The following NDRG4 variants were observed in gnomAD, a reference collection of about 807,000 sequenced individuals.
NDRG4 encodes the protein protein NDRG4.
In NDRG4, 38 loss-of-function variants were observed where a neutral mutation model predicts 55.8. That is an observed-to-expected ratio of 0.68 (90% CI 0.53 to 0.89). The LOEUF is 0.89. Ranked by LOEUF, NDRG4 falls within the 40% of genes least tolerant of loss-of-function variation. The pLI, the probability that NDRG4 is intolerant of heterozygous loss-of-function variation, is 0.00. For missense variants in NDRG4, 455 were observed against 468.6 expected (o/e 0.97, Z 0.27); for synonymous variants, 190 against 182.7 (o/e 1.04, Z -0.32).
rs1325759992 is a variant in NDRG4, at chr16:58,504,271, AG to A, written c.248+1del. On this transcript the variant is annotated frameshift_variant and splice_region_variant, in exon 3 of 15. Transcript: ENST00000570248. LOFTEE classifies it high-confidence loss of function. ...CAGGTGGGGGCGTCGCAGTTTCCTC[AG>A]GGGTAGGTACCCTGAGCCCCCTCTG... ...GQQVGASQFP[Q>X]GYQFPSMEQL... 6.2e-7 allele frequency: 1 copy of A among 1,613,962 alleles called. No homozygotes were observed. Among genetic ancestry groups the A allele is most frequent in the Non-Finnish European group, 8.5e-7 (1 of 1,180,000 alleles).
At chr16:58,475,578 A>G in intron 1 of NDRG4, 1 of 455,144 alleles carries the variant, frequency 2.2e-6, no homozygotes. Flanking sequence ...AATAATAAGT[A>G]AGATAAAAGT....
At chr16:58,491,937 A>T (rs997237294) in intron 2 of NDRG4, among the ~76,000 whole-genome samples, 1 of 152,018 alleles carries the variant, frequency 6.6e-6, no homozygotes, top group African/African-American at 2.4e-5. Flanking sequence ...ATGCACCACC[A>T]TGCCTGTCTC....
At chr16:58,515,092 G>T (rs549917122), downstream of NDRG4, among the ~76,000 whole-genome samples, 4 of 152,316 alleles carry the variant, frequency 2.6e-5, no homozygotes, top group East Asian at 5.8e-4. Flanking sequence ...TGCTCTGAAC[G>T]AATACCACCA....
intron 1 of NDRG4, among the ~76,000 whole-genome samples, chr16:58,486,104 C>T (rs1468821482): frequency 6.6e-6 from 1 of 152,190 alleles, no homozygotes; most frequent in African/African-American, 2.4e-5. Context: ...TGTTTCAGTG[C>T]ACCTTCGCTA....
intron 8 of NDRG4, 56 bp downstream of exon 8, chr16:58,507,071 A>G: frequency 7.3e-7 from 1 of 1,364,616 alleles, no homozygotes; most frequent in Non-Finnish European, 1.0e-6. Context: ...GGGCCCTTGC[A>G]CACTGCCCCC....
At chr16:58,468,736 A>C (rs917263734) in intron 1 of NDRG4, among the ~76,000 whole-genome samples, 1 of 152,144 alleles carries the variant, frequency 6.6e-6, no homozygotes, top group African/African-American at 2.4e-5. Context: ...TATTGTGGGG[A>C]GCCAAGATGA....
intron 1 of NDRG4, 59 bp downstream of exon 1, chr16:58,500,328 C>T: frequency 6.6e-7 from 1 of 1,525,518 alleles, no homozygotes; most frequent in African/African-American, 1.4e-5. Flanking sequence ...TCCTTATGAC[C>T]CACCGCAGGG....
chr16:58,500,475 T>G, intron 1 of NDRG4: 1 of 411,586 alleles, frequency 2.4e-6, no homozygotes, highest in Non-Finnish European at 4.1e-6. Flanking sequence ...GGGCAGCTGC[T>G]AGTCAGAGCC....
chr16:58,500,075 C>A (rs1203069247), upstream of NDRG4: 36 of 1,481,500 alleles, frequency 2.4e-5, no homozygotes, highest in Non-Finnish European at 3.0e-5. Flanking sequence ...AGAAACCCTG[C>A]GGGGAGGAGG....
chr16:58,509,033 G>T, intron 11 of NDRG4, 24 bp downstream of exon 11: 1 of 1,614,120 alleles, frequency 6.2e-7, no homozygotes, highest in East Asian at 2.2e-5. Context: ...CCCCAGCCCT[G>T]GGCCAGCTTC....
intron 10 of NDRG4, 40 bp downstream of exon 10, chr16:58,508,039 G>A (rs2038278357): frequency 2.0e-6 from 3 of 1,502,316 alleles, no homozygotes; most frequent in Non-Finnish European, 2.7e-6. Flanking sequence ...GTGGGAGGTA[G>A]GGGTGAGGGG....
rs1268274026 is a variant in NDRG4, at chr16:58,506,571, C to A, written c.473C>A (p.Thr158Asn). 4 of 1,592,674 alleles carry A rather than the reference C, an allele frequency of 2.5e-6. No homozygotes were observed. The highest frequency in any genetic ancestry group is 3.4e-6 in the Non-Finnish European group (4 of 1,171,730). The change falls in exon 7 of 15, where the codon ACT becomes AAT. Residue 158 changes from threonine (T) to asparagine (N), a missense_variant. Coordinates refer to ENST00000570248, the MANE Select transcript of NDRG4 (RefSeq NM_001242835.2). ...TGCTCCCTGCAGCTCTCCGGCCTAACTAGCACTTTACCCGACACGGTGCTC... is the reference window on the plus strand; with the variant it reads ...TGCTCCCTGCAGCTCTCCGGCCTAAATAGCACTTTACCCGACACGGTGCTC... The part of the protein sequence containing the change: ...DWAATKLSGL[T>N]STLPDTVLSH...
At chr16:58,506,661 C>A (rs2038071341) in intron 7 of NDRG4, 47 bp downstream of exon 7, 4 of 1,541,222 alleles carry the variant, frequency 2.6e-6, no homozygotes, top group South Asian at 1.2e-5. Context: ...GGGATTTGCC[C>A]CTCCCAGCTG....
At chr16:58,505,077 C>T (rs1390153626) in intron 5 of NDRG4, among the ~76,000 whole-genome samples, 2 of 152,072 alleles carry the variant, frequency 1.3e-5, no homozygotes, top group South Asian at 2.1e-4. Flanking sequence ...ACATCATTGT[C>T]GGTGGCTCAC....
At chr16:58,467,853 T>C (rs1597028884) in intron 1 of NDRG4, among the ~76,000 whole-genome samples, 1 of 152,362 alleles carries the variant, frequency 6.6e-6, no homozygotes, top group East Asian at 1.9e-4. Context: ...GTCGTGGAGC[T>C]GGCGTCCTCA....
intron 2 of NDRG4, 77 bp from the exon 3 acceptor site, chr16:58,504,077 C>T: frequency 6.2e-7 from 1 of 1,601,814 alleles, no homozygotes; most frequent in Admixed American, 1.7e-5. Context: ...TCTGCCTTGC[C>T]TGCCCTCTGG....
intron 1 of NDRG4, among the ~76,000 whole-genome samples, chr16:58,467,577 C>T (rs2031932757): frequency 6.6e-6 from 1 of 152,170 alleles, no homozygotes; most frequent in Non-Finnish European, 1.5e-5. Flanking sequence ...CCTGTCTTGC[C>T]AGTGAAGTCA....
downstream of NDRG4, among the ~76,000 whole-genome samples, chr16:58,513,856 G>A (rs1435080813): frequency 6.6e-6 from 1 of 152,224 alleles, no homozygotes; most frequent in Non-Finnish European, 1.5e-5. Flanking sequence ...TACTCGGGAG[G>A]CTGAGGCAGG....
chr16:58,464,939 G>A lies in NDRG4; in HGVS notation c.-24+1142G>A. The A allele has an allele frequency of 8.5e-7, 1 of 1,175,852 alleles. No individual in the cohort carries two copies. The highest frequency in any genetic ancestry group is 6.5e-5 in the East Asian group (1 of 15,478). The allele number at this position is 1,175,852 out of a possible 1,614,324, so 72.8% of individuals were successfully genotyped here. On this transcript the variant is annotated intron_variant, in intron 1 of 15. Transcript: ENST00000258187. The surrounding 1 kb of genome is among the most constrained non-coding windows in gnomAD (Gnocchi z 4.8). ...CGCCAAGTGGCCTGGGAAGTGGGAA[G>A]CCAGATTGGACCCTACTGACTGGGG...
Sources: gnomAD v4.1 joint callset for allele counts (sites outside exome capture counted in the v4.1 genomes callset) on GRCh38, gnomAD v4.1.1 for gene constraint, Gnocchi (gnomAD v3.1) non-coding constraint, MANE v1.5 for transcripts, NCBI Gene and HGNC (gene_info 2026-07-23, HGNC 2026-07-21) for gene names.